Variants in FBXL19 observed in about 807,000 individuals in gnomAD.
The protein encoded by FBXL19 is F-box/LRR-repeat protein 19.
FBXL19 carries 16 observed loss-of-function variants against 71.2 expected under a neutral mutation model. That is an observed-to-expected ratio of 0.22 (90% confidence interval 0.15 to 0.34). The LOEUF (loss-of-function observed/expected upper bound fraction) is 0.34, where lower values mean the gene tolerates loss of function less well. FBXL19 is among the 10% of genes least tolerant of loss of function. The pLI, the probability that FBXL19 is intolerant of heterozygous loss-of-function variation, is 1.00. For missense variants in FBXL19, 658 were observed against 968.2 expected, an observed-to-expected ratio of 0.68 and a Z score of 4.25; for synonymous variants, 447 against 409.4, an observed-to-expected ratio of 1.09 and a Z score of -1.11.
Position 30,948,523 on chromosome 16 carries a change from CG to C in FBXL19, c.*1297del, listed in dbSNP as rs1178164473. The C allele has an allele frequency of 1.5e-5, 2 of 129,210 alleles. No homozygotes were observed. Among genetic ancestry groups the C allele is most frequent in the African/African-American group, 2.9e-5 (1 of 34,646 alleles). 8.0% of individuals were successfully genotyped at this position (129,210 alleles called of 1,614,324 possible). ...CCCTCCGCGCAGGCCTCCGGGGGGC[CG>C]GGGCTTACCATGTAGGGGAGGGGAG... On this transcript the variant is annotated 3_prime_UTR_variant, in exon 11 of 11. Transcript: ENST00000338343.
chr16:30,926,030 T>G, intron 2 of FBXL19, 99 bp downstream of exon 2: 2 of 1,344,908 alleles, frequency 1.5e-6, no homozygotes, highest in Middle Eastern at 1.9e-4. Flanking sequence ...GAGTGGCTGT[T>G]TGTTCACTCG....
At chr16:30,937,799 C>G (rs2055755638) in intron 7 of FBXL19, among the ~76,000 whole-genome samples, 1 of 152,094 alleles carries the variant, frequency 6.6e-6, no homozygotes, top group Admixed American at 6.5e-5. Flanking sequence ...AGAAACACAA[C>G]TGGGGTCCTG....
rs1324983118 is a variant in FBXL19, at chr16:30,930,357, G to A, written c.1074G>A (p.Gly358=). The change falls in exon 7 of 11, where the codon GGG becomes GGA. Residue 358 remains glycine (G), a synonymous_variant. Transcript: ENST00000338343. This position sits in a 1 kb window ranked among gnomAD's most constrained non-coding sequence, Gnocchi z 8.5. ...GGRRAVRPGS[G]GPLLSWPLGP... is the part of the protein sequence containing the mutation. Reference sequence around the variant, plus strand: ...GGCGGGCTGTGCGCCCTGGCAGTGGGGGGCCCCTACTCAGCTGGCCCCTGG... The same window carrying A: ...GGCGGGCTGTGCGCCCTGGCAGTGGAGGGCCCCTACTCAGCTGGCCCCTGG... The A allele has an allele frequency of 1.3e-6, 2 of 1,574,258 alleles. No homozygotes were observed. Among genetic ancestry groups the A allele is most frequent in the Non-Finnish European group, 1.7e-6 (2 of 1,163,718 alleles).
intron 7 of FBXL19, among the ~76,000 whole-genome samples, chr16:30,939,742 A>C (rs1408861718): frequency 6.6e-6 from 1 of 152,074 alleles, no homozygotes; most frequent in East Asian, 1.9e-4. Context: ...AAGTGCAAAG[A>C]GGAGATGATT....
At chr16:30,939,172 T>C (rs538464754) in intron 7 of FBXL19, among the ~76,000 whole-genome samples, 1,536 of 140,248 alleles carry the variant, frequency 0.011, 27 homozygotes, top group African/African-American at 0.038. Context: ...CCCAGGTTCA[T>C]GCCATTCTCC....
At chr16:30,928,259 G>A (rs2055624830) in intron 5 of FBXL19, among the ~76,000 whole-genome samples, 1 of 152,028 alleles carries the variant, frequency 6.6e-6, no homozygotes, top group Non-Finnish European at 1.5e-5. Flanking sequence ...GGGAGGGGCT[G>A]GAGAGGGCCT....
chr16:30,930,569 G>A lies in FBXL19; in HGVS notation c.1286G>A (p.Arg429Gln), dbSNP rs1415410490. ...CTGTGTATCTGCATGCGAGTCTGCC[G>A]AACTTGGAGCCGCTGGTGAGTGGCC... ...RELCICMRVC[R>Q]TWSRWCYDKR... is the part of the protein sequence containing the mutation. Residue 429 changes from arginine (R) to glutamine (Q), a missense_variant, in exon 7 of 11, where the codon CGA becomes CAA. By Grantham distance (43) the Arg-to-Gln change is conservative. Coordinates refer to ENST00000338343, the MANE Select transcript of FBXL19 (RefSeq NM_001382779.1). The surrounding 1 kb of genome is among the most constrained non-coding windows in gnomAD (Gnocchi z 8.5). 4 of 1,457,694 alleles carry A rather than the reference G, an allele frequency of 2.7e-6. No individual in the cohort carries two copies. Among genetic ancestry groups the A allele is most frequent in the East Asian group, 2.6e-5 (1 of 39,090 alleles). 90.3% of individuals were successfully genotyped at this position (1,457,694 alleles called of 1,614,324 possible).
intron 7 of FBXL19, among the ~76,000 whole-genome samples, chr16:30,938,838 G>A (rs966339552): frequency 1.3e-5 from 2 of 151,910 alleles, no homozygotes; most frequent in East Asian, 3.9e-4. Context: ...AGGTTTCACC[G>A]TATTAGCCAG....
At chr16:30,943,277 C>T (rs911250900) in intron 9 of FBXL19, among the ~76,000 whole-genome samples, 1 of 152,094 alleles carries the variant, frequency 6.6e-6, no homozygotes, top group Admixed American at 6.5e-5. Context: ...CAACTTATGC[C>T]TCCTGGGTTC....
intron 9 of FBXL19, among the ~76,000 whole-genome samples, chr16:30,943,702 C>T (rs1045414718): frequency 4.6e-5 from 7 of 152,032 alleles, no homozygotes; most frequent in Non-Finnish European, 1.0e-4. Context: ...AGGGTTTCAT[C>T]ATGTTGTCCA....
Position 30,942,106 on chromosome 16 carries a change from T to C in FBXL19, c.1302-10T>C, listed in dbSNP as rs1475563454. The C allele has an allele frequency of 6.4e-7, 1 of 1,561,460 alleles. No homozygotes were observed. Among genetic ancestry groups the C allele is most frequent in the Non-Finnish European group, 8.7e-7 (1 of 1,148,632 alleles). ...GGCTGAGGTCTCTGTCTCCCCCCTATGGCCGCCAGGTGCTATGACAAGCGT... is the reference window on the plus strand; with the variant it reads ...GGCTGAGGTCTCTGTCTCCCCCCTACGGCCGCCAGGTGCTATGACAAGCGT... On this transcript the variant is annotated splice_polypyrimidine_tract_variant and intron_variant, in intron 7 of 10. Coordinates refer to ENST00000338343, the MANE Select transcript of FBXL19 (RefSeq NM_001382779.1). The surrounding 1 kb of genome is among the most constrained non-coding windows in gnomAD (Gnocchi z 5.7).
At chr16:30,944,236 A>G (rs1348815597) in intron 9 of FBXL19, among the ~76,000 whole-genome samples, 3 of 112,272 alleles carry the variant, frequency 2.7e-5, no homozygotes, top group African/African-American at 7.1e-5. Flanking sequence ...GTTCATGGGT[A>G]TATGTGCAGG....
rs1224143670 is a variant in FBXL19 at position 30,923,816 on chromosome 16, G to A, written c.-668G>A. Among the ~76,000 whole-genome samples the A allele has an allele frequency of 1.3e-5, 2 of 150,916 alleles. No individual in the cohort carries two copies. The highest frequency in any genetic ancestry group is 2.0e-4 in the East Asian group (1 of 5,090). ...CTTGGGGGAGGGGGAGAGGTCGGGGGTGCGCGCGGGCTGGGGGGGGCGGGG... is the reference window on the plus strand; with the variant it reads ...CTTGGGGGAGGGGGAGAGGTCGGGGATGCGCGCGGGCTGGGGGGGGCGGGG... On this transcript the variant is annotated 5_prime_UTR_variant, in exon 1 of 11. In the 5' UTR this introduces an upstream ATG that the reference lacks. Transcript: ENST00000338343.
chr16:30,940,878 C>T (rs2055795183), intron 7 of FBXL19, among the ~76,000 whole-genome samples: 1 of 152,002 alleles, frequency 6.6e-6, no homozygotes, highest in Admixed American at 6.6e-5. Flanking sequence ...AGTAGAACAG[C>T]CAGGCTGTTC....
intron 2 of FBXL19, among the ~76,000 whole-genome samples, chr16:30,926,540 C>T (rs917949401): frequency 4.6e-5 from 7 of 152,106 alleles, no homozygotes; most frequent in Non-Finnish European, 1.0e-4. Flanking sequence ...CTCCAGAGCA[C>T]GGCCCCTCCC....
rs1405589252 is a variant in FBXL19, at chr16:30,942,930, T to TC, written c.1627+397dup. 1.3e-5 allele frequency among the ~76,000 whole-genome samples: 2 copies of TC among 152,032 alleles called. No individual in the cohort carries two copies. The highest frequency in any genetic ancestry group is 2.9e-5 in the Non-Finnish European group (2 of 68,000). On this transcript the variant is annotated intron_variant, in intron 9 of 10. Coordinates refer to ENST00000338343, the MANE Select transcript of FBXL19 (RefSeq NM_001382779.1). This position sits in a 1 kb window ranked among gnomAD's most constrained non-coding sequence, Gnocchi z 5.7. The stretch of plus-strand genomic sequence containing the variant: ...ATCCCACCCCACATTGAGCTCAGAG[T>TC]CCCTCTCAGCTTTGAGAGCAGCCCG...
rs200875908 is a variant in FBXL19, at chr16:30,947,175, G to C, written c.1970G>C (p.Gly657Ala). 123 of 1,599,362 alleles carry C rather than the reference G, an allele frequency of 7.7e-5. 1 individual carries two copies. In the East Asian group the frequency reaches 2.7e-3, roughly 35 times the overall value. The change falls in exon 11 of 11, where the codon GGG becomes GCG. Residue 657 changes from glycine (G) to alanine (A), a missense_variant. Physicochemically the swap from Gly to Ala is moderately conservative, Grantham distance 60. Around this residue, in one of 8 missense-constraint regions of FBXL19, gnomAD observed 69 missense variants for 177.8 expected, o/e 0.39. Coordinates refer to ENST00000338343, the MANE Select transcript of FBXL19 (RefSeq NM_001382779.1). Reference sequence around the variant, plus strand: ...GCTTGTGCCCGGCTGGCAGCTGCCGGGCCCCCTGGCCCCTTCCGCTGCCCT... The same window carrying C: ...GCTTGTGCCCGGCTGGCAGCTGCCGCGCCCCCTGGCCCCTTCCGCTGCCCT... ...PEACARLAAA[G>A]PPGPFRCPEE...
chr16:30,928,045 G>A (rs2055619303), intron 5 of FBXL19, 82 bp downstream of exon 5: 3 of 981,020 alleles, frequency 3.1e-6, no homozygotes, highest in African/African-American at 3.3e-5. Flanking sequence ...GGGGCTGTGT[G>A]GGCCTGGGAG....
intron 9 of FBXL19, among the ~76,000 whole-genome samples, chr16:30,943,555 T>C (rs1407429884): frequency 6.6e-6 from 1 of 151,954 alleles, no homozygotes; most frequent in Non-Finnish European, 1.5e-5. Context: ...TTTGTATTTT[T>C]AGTAGAGACG....
Sources: gnomAD v4.1 joint callset for allele counts (sites outside exome capture counted in the v4.1 genomes callset) on GRCh38, gnomAD v4.1.1 for gene constraint, gnomAD v4.1.1 regional missense constraint, Gnocchi (gnomAD v3.1) non-coding constraint, MANE v1.5 for transcripts, NCBI Gene and HGNC (gene_info 2026-07-23, HGNC 2026-07-21) for gene names.